JPH3: variants seen among roughly 807,000 people sequenced by gnomAD.
JPH3 encodes junctophilin 3.
A neutral mutation model predicts 59.6 loss-of-function variants in JPH3; 11 were observed. That is an observed-to-expected ratio of 0.18 (90% CI 0.12 to 0.31). The LOEUF is 0.31. Among genes scored for constraint, JPH3 ranks in the 10% least tolerant of loss-of-function variants. JPH3 has a pLI of 1.00. For missense variants in JPH3, 1,202 were observed against 1,105.7 expected (o/e 1.09, Z -1.24); for synonymous variants, 673 against 483.6 (o/e 1.39, Z -5.14).
chr16:87,640,044 C>T (rs1295276036), intron 1 of JPH3, among the ~76,000 whole-genome samples: 2 of 152,166 alleles, frequency 1.3e-5, no homozygotes, highest in South Asian at 4.1e-4. Flanking sequence ...GCCCACCTTC[C>T]TGGAGTTCCA....
chr16:87,690,844 A>G (rs369150174), intron 4 of JPH3, among the ~76,000 whole-genome samples: 6 of 152,344 alleles, frequency 3.9e-5, no homozygotes, highest in African/African-American at 1.4e-4. Flanking sequence ...AGCTGCTCCA[A>G]GAGTCTGTGC....
At position 87,610,096 on chromosome 16, in the gene JPH3, C is replaced by T. The variant is rs531889204; in HGVS notation, c.382+6568C>T. On this transcript the variant is annotated intron_variant, in intron 1 of 4. Coordinates refer to ENST00000284262, the MANE Select transcript of JPH3 (RefSeq NM_020655.4). ...CTAGGTCCCTGGCATGAGCAGTTTC[C>T]AGTAGGCTCTGCATTCCTATGAGAA... Among the ~76,000 whole-genome samples the T allele has an allele frequency of 8.5e-5, 13 of 152,278 alleles. No individual in the cohort carries two copies. The South Asian group carries it at 2.5e-3, about 29-fold the overall frequency.
rs1415830347 is a variant in JPH3, at chr16:87,611,675, A to C, written c.382+8147A>C. Among the ~76,000 whole-genome samples the C allele has an allele frequency of 6.6e-6, 1 of 152,106 alleles. No individual in the cohort carries two copies. The highest frequency in any genetic ancestry group is 2.4e-5 in the African/African-American group (1 of 41,396). On this transcript the variant is annotated intron_variant, in intron 1 of 4. Coordinates refer to ENST00000284262, the MANE Select transcript of JPH3 (RefSeq NM_020655.4). This position sits in a 1 kb window ranked among gnomAD's most constrained non-coding sequence, Gnocchi z 4.5. The stretch of plus-strand genomic sequence containing the variant: ...TCTATGCCAGTGCTTCCCAAGCCTG[A>C]GTGTTACAAGAACCACCTGGAAGGT...
upstream of JPH3, among the ~76,000 whole-genome samples, chr16:87,602,488 G>A (rs1352469766): frequency 1.4e-5 from 2 of 138,214 alleles, no homozygotes; most frequent in Non-Finnish European, 3.2e-5. Context: ...GGCGGGGTGC[G>A]GGCGCGCGCC....
intron 4 of JPH3, chr16:87,695,561 C>T (rs1168998081): frequency 4.4e-6 from 2 of 455,078 alleles, no homozygotes; most frequent in Non-Finnish European, 8.8e-6. Flanking sequence ...GGGCAAGTGT[C>T]CTCTGGAAGC....
At chr16:87,635,295 G>C (rs767219460) in intron 1 of JPH3, among the ~76,000 whole-genome samples, 42 of 152,186 alleles carry the variant, frequency 2.8e-4, no homozygotes, top group Non-Finnish European at 5.4e-4. Context: ...TGAGGGCTGC[G>C]CTCTCTCCAG....
intron 2 of JPH3, among the ~76,000 whole-genome samples, chr16:87,677,978 G>C (rs1266726487): frequency 6.6e-6 from 1 of 152,250 alleles, no homozygotes; most frequent in Non-Finnish European, 1.5e-5. Context: ...GTAAGGCTGG[G>C]TGTGGTGGCT....
chr16:87,680,912 C>G (rs1192296022), intron 2 of JPH3, among the ~76,000 whole-genome samples: 1 of 152,114 alleles, frequency 6.6e-6, no homozygotes, highest in Admixed American at 6.5e-5. Flanking sequence ...TTTTACTAAG[C>G]AAAGATGTGG....
chr16:87,623,306 C>T (rs1282582936), intron 1 of JPH3, among the ~76,000 whole-genome samples: 2 of 152,226 alleles, frequency 1.3e-5, no homozygotes, highest in African/African-American at 4.8e-5. Flanking sequence ...AGGGTGGACA[C>T]TGATGTCCTT....
chr16:87,684,692 C>T (rs893826594), intron 3 of JPH3, among the ~76,000 whole-genome samples: 2 of 152,244 alleles, frequency 1.3e-5, no homozygotes, highest in African/African-American at 4.8e-5. Flanking sequence ...TGACCTGCCT[C>T]TGATGTGAAC....
At chr16:87,681,069 G>A (rs1028246267) in intron 2 of JPH3, among the ~76,000 whole-genome samples, 3 of 152,202 alleles carry the variant, frequency 2.0e-5, no homozygotes, top group Non-Finnish European at 2.9e-5. Context: ...AGACATTGAC[G>A]AAATATTACC....
At chr16:87,653,847 C>T (rs959249677) in intron 2 of JPH3, 2 of 152,224 alleles carry the variant, frequency 1.3e-5, no homozygotes, top group Non-Finnish European at 2.9e-5. Flanking sequence ...GGGACAGAGG[C>T]CTGCTGTCTA....
chr16:87,659,812 A>G (rs759446053), intron 2 of JPH3, among the ~76,000 whole-genome samples: 3 of 152,160 alleles, frequency 2.0e-5, no homozygotes, highest in Middle Eastern at 3.4e-3. Flanking sequence ...CATGACCACC[A>G]TCTATCTCCA....
rs149703327 is a variant in JPH3, at chr16:87,651,267, C to T, written c.1160+6232C>T. Among the ~76,000 whole-genome samples the T allele has an allele frequency of 6.0e-3, 908 of 152,292 alleles. 3 individuals carry two copies. Among genetic ancestry groups the T allele is most frequent in the Non-Finnish European group, 9.6e-3 (652 of 68,036 alleles). On this transcript the variant is annotated intron_variant, in intron 2 of 4. Transcript: ENST00000284262. ...TAAAATATTACTACTCACCCCGGAG[C>T]GCCCATGGAGATGTACAGGAAGATG...
At chr16:87,696,316 G>C (rs55914823) in intron 4 of JPH3, among the ~76,000 whole-genome samples, 4,664 of 152,096 alleles carry the variant, frequency 0.031, 235 homozygotes, top group African/African-American at 0.11. Context: ...TACTCAGGGT[G>C]TCGGGGCCAC....
intron 2 of JPH3, among the ~76,000 whole-genome samples, chr16:87,657,930 C>T (rs894221243): frequency 6.6e-6 from 1 of 152,160 alleles, no homozygotes; most frequent in African/African-American, 2.4e-5. Context: ...TGGTGGCTGC[C>T]AGGGGATGGA....
At chr16:87,633,797 C>T (rs752952592) in intron 1 of JPH3, among the ~76,000 whole-genome samples, 4 of 151,048 alleles carry the variant, frequency 2.6e-5, no homozygotes, top group Non-Finnish European at 4.4e-5. Context: ...GACTCCATTG[C>T]GAAAAATAAA....
intron 3 of JPH3, among the ~76,000 whole-genome samples, chr16:87,685,609 T>C (rs972518738): frequency 9.2e-5 from 14 of 152,352 alleles, no homozygotes; most frequent in African/African-American, 3.1e-4. Context: ...ACAGGGATGC[T>C]GGAGAGGAAG....
chr16:87,643,910 C>T (rs1378069874), intron 1 of JPH3, among the ~76,000 whole-genome samples: 3 of 152,156 alleles, frequency 2.0e-5, no homozygotes, highest in African/African-American at 4.8e-5. Flanking sequence ...GAGGCTGAGG[C>T]AGGATCACTT....
Sources: allele counts gnomAD v4.1 joint callset (sites outside exome capture counted in the v4.1 genomes callset), GRCh38; gene constraint gnomAD v4.1.1; non-coding constraint Gnocchi (gnomAD v3.1); transcripts MANE v1.5; gene names NCBI Gene and HGNC (gene_info 2026-07-23, HGNC 2026-07-21).